KIAA1217: variants seen among roughly 807,000 people sequenced by gnomAD.
KIAA1217 encodes KIAA1217.
A neutral mutation model predicts 163.9 loss-of-function variants in KIAA1217; 88 were observed. The observed-to-expected ratio is 0.54, with a 90% CI of 0.45 to 0.64. The LOEUF (loss-of-function observed/expected upper bound fraction) is 0.64. KIAA1217 is among the 30% of genes least tolerant of loss of function. KIAA1217 has a pLI of 0.00. For missense variants in KIAA1217, 2,372 were observed against 2,475.0 expected (o/e 0.96, Z 0.88); for synonymous variants, 903 against 923.1 (o/e 0.98, Z 0.39).
intron 1 of KIAA1217, among the ~76,000 whole-genome samples, chr10:23,714,621 T>A (rs192988296): frequency 6.6e-6 from 1 of 152,140 alleles, no homozygotes. Context: ...ACCTCTGGAC[T>A]AAAGATGACT....
At chr10:24,309,340 ACGCGCGCGCG>A (rs67626862) in intron 2 of KIAA1217, among the ~76,000 whole-genome samples, 4 of 140,036 alleles carry the variant, frequency 2.9e-5, no homozygotes, top group Non-Finnish European at 4.8e-5. Context: ...AGGCGCGCGC[ACGCGCGCGCG>A]CACACACACA....
intron 2 of KIAA1217, among the ~76,000 whole-genome samples, chr10:24,092,597 T>C (rs1054779115): frequency 6.6e-6 from 1 of 151,798 alleles, no homozygotes; most frequent in Non-Finnish European, 1.5e-5. Flanking sequence ...TGTTCACTCA[T>C]GCAATAGCTT....
At chr10:23,936,384 A>T (rs1281050904) in intron 1 of KIAA1217, among the ~76,000 whole-genome samples, 1 of 152,138 alleles carries the variant, frequency 6.6e-6, no homozygotes, top group African/African-American at 2.4e-5. Flanking sequence ...CCAACAAGAG[A>T]TATGTCTAGG....
At chr10:23,705,303 T>G (rs988761198) in intron 1 of KIAA1217, among the ~76,000 whole-genome samples, 15 of 152,272 alleles carry the variant, frequency 9.9e-5, no homozygotes, top group South Asian at 6.2e-4. Flanking sequence ...TATCTGTTTT[T>G]TTTCTTTTGT....
chr10:24,395,629 A>G (rs2055623534), intron 3 of KIAA1217, among the ~76,000 whole-genome samples: 1 of 152,182 alleles, frequency 6.6e-6, no homozygotes, highest in Admixed American at 6.5e-5. Context: ...AGGGCTAGGC[A>G]CGTTCTTGTG....
chr10:24,368,915 T>A, intron 2 of KIAA1217: 1 of 905,654 alleles, frequency 1.1e-6, no homozygotes, highest in South Asian at 5.1e-5. Flanking sequence ...TTTTTCCAAT[T>A]ACTTCTCACT....
intron 5 of KIAA1217, among the ~76,000 whole-genome samples, chr10:24,445,708 A>G (rs2060871461): frequency 1.3e-5 from 2 of 151,472 alleles, no homozygotes; most frequent in South Asian, 4.2e-4. Context: ...AAGGACATGA[A>G]CTCATCATTT....
At chr10:23,832,788 G>A (rs143598046) in intron 1 of KIAA1217, among the ~76,000 whole-genome samples, 2 of 152,260 alleles carry the variant, frequency 1.3e-5, no homozygotes, top group African/African-American at 4.8e-5. Context: ...ACATACCTGA[G>A]ATTAGGCAAT....
At chr10:23,930,094 A>T (rs1843197319) in intron 1 of KIAA1217, among the ~76,000 whole-genome samples, 1 of 151,872 alleles carries the variant, frequency 6.6e-6, no homozygotes, top group Non-Finnish European at 1.5e-5. Flanking sequence ...CTGGTGTGAG[A>T]TGATATCTCA....
chr10:23,968,884 A>C (rs2131387097), intron 1 of KIAA1217, among the ~76,000 whole-genome samples: 2 of 152,296 alleles, frequency 1.3e-5, no homozygotes, highest in South Asian at 4.1e-4. Flanking sequence ...TGGTTGATGG[A>C]GACTTAAATT....
chr10:24,352,770 T>TC (rs779738749), intron 2 of KIAA1217, among the ~76,000 whole-genome samples: 17 of 152,148 alleles, frequency 1.1e-4, no homozygotes, highest in Non-Finnish European at 1.9e-4. Flanking sequence ...AGAAAGGGAT[T>TC]CCTTGCCAGA....
intron 2 of KIAA1217, among the ~76,000 whole-genome samples, chr10:24,366,962 GTCA>G (rs1159675322): frequency 6.6e-6 from 1 of 152,200 alleles, no homozygotes; most frequent in African/African-American, 2.4e-5. Context: ...GGATGGAACT[GTCA>G]TCATTTTTCT....
intron 2 of KIAA1217, among the ~76,000 whole-genome samples, chr10:24,118,462 G>T (rs1028078520): frequency 5.9e-5 from 9 of 152,146 alleles, no homozygotes; most frequent in African/African-American, 2.2e-4. Context: ...CCTCGGTAGG[G>T]AGTCCTCAGC....
chr10:23,931,670 C>T (rs1224828740), intron 1 of KIAA1217, among the ~76,000 whole-genome samples: 1 of 152,148 alleles, frequency 6.6e-6, no homozygotes, highest in African/African-American at 2.4e-5. Flanking sequence ...GTCTGGTTAC[C>T]TATCACAAAC....
chr10:23,965,981 C>T (rs1185980992), intron 1 of KIAA1217, among the ~76,000 whole-genome samples: 1 of 152,176 alleles, frequency 6.6e-6, no homozygotes, highest in Non-Finnish European at 1.5e-5. Context: ...AACCATGACA[C>T]CATGGCATGT....
chr10:24,280,626 AT>A (rs1311617557), intron 2 of KIAA1217, among the ~76,000 whole-genome samples: 4 of 151,908 alleles, frequency 2.6e-5, no homozygotes, highest in African/African-American at 9.7e-5. Flanking sequence ...CCTGGCTAAC[AT>A]GGTGAAACCC....
intron 2 of KIAA1217, among the ~76,000 whole-genome samples, chr10:24,195,602 T>A (rs1264298250): frequency 6.6e-6 from 1 of 152,070 alleles, no homozygotes; most frequent in Non-Finnish European, 1.5e-5. Context: ...GCCACTAAGA[T>A]AATATGTGAA....
At chr10:23,737,522 C>G (rs184538198) in intron 1 of KIAA1217, among the ~76,000 whole-genome samples, 43 of 152,170 alleles carry the variant, frequency 2.8e-4, no homozygotes, top group Admixed American at 1.6e-3. Context: ...AAGTTTAGTC[C>G]TTTGCTTTTC....
intron 1 of KIAA1217, among the ~76,000 whole-genome samples, chr10:23,950,530 C>T (rs916520449): frequency 1.3e-5 from 2 of 151,778 alleles, no homozygotes; most frequent in African/African-American, 4.8e-5. Flanking sequence ...AAAATTGGGC[C>T]GGGCCTGCTC....
Sources: allele counts gnomAD v4.1 joint callset (sites outside exome capture counted in the v4.1 genomes callset), GRCh38; gene constraint gnomAD v4.1.1; transcripts MANE v1.5; gene names NCBI Gene and HGNC (gene_info 2026-07-23, HGNC 2026-07-21).